Variants in NDC80 observed in about 807,000 individuals in gnomAD.
The protein encoded by NDC80 is kinetochore protein NDC80 homolog.
A neutral mutation model predicts 89.3 loss-of-function variants in NDC80; 69 were observed. The ratio of observed to expected loss-of-function variants is 0.77; its 90% CI spans 0.64 to 0.94. The LOEUF (loss-of-function observed/expected upper bound fraction) is 0.94. Ranked by LOEUF, NDC80 falls within the 40% of genes least tolerant of loss-of-function variation. The pLI is 0.00. For synonymous variants in NDC80, 243 were observed against 255.6 expected (o/e 0.95, Z 0.47); for missense variants, 593 against 739.6 (o/e 0.80, Z 2.30).
Position 2,577,687 on chromosome 18 carries a change from T to A in NDC80, c.180-59T>A, listed in dbSNP as rs576711884. ...AAAATGCAAAACTGCCTTGAAATAATTTAGACTTGATCACAGAAGCAAATA... is the reference window on the plus strand; with the variant it reads ...AAAATGCAAAACTGCCTTGAAATAAATTAGACTTGATCACAGAAGCAAATA... On this transcript the variant is annotated intron_variant, in intron 3 of 16. Transcript: ENST00000261597. The A allele has an allele frequency of 1.9e-6, 3 of 1,588,924 alleles. No individual in the cohort carries two copies. In the Admixed American group the frequency reaches 5.4e-5, roughly 29 times the overall value.
chr18:2,610,918 A>G (rs990901390), intron 16 of NDC80, 57 bp downstream of exon 16: 1 of 1,067,546 alleles, frequency 9.4e-7, no homozygotes, highest in Admixed American at 2.8e-5. Context: ...ACTTTGATAC[A>G]TTTCTGCTTT....
Position 2,574,034 on chromosome 18 carries a change from A to G in NDC80, c.101+948A>G, listed in dbSNP as rs551605854. ...AGAGAAGCAAAAGACTTAAATCTGC[A>G]TAACAAGCCTTACCTTTGACCATTT... On this transcript the variant is annotated intron_variant, in intron 2 of 16. Coordinates refer to ENST00000261597, the MANE Select transcript of NDC80 (RefSeq NM_006101.3). 5.3e-5 allele frequency among the ~76,000 whole-genome samples: 8 copies of G among 152,310 alleles called. No homozygotes were observed. The East Asian group carries it at 1.3e-3, about 26-fold the overall frequency.
intron 6 of NDC80, among the ~76,000 whole-genome samples, chr18:2,579,820 G>A (rs978118587): frequency 2.0e-5 from 3 of 152,102 alleles, no homozygotes; most frequent in African/African-American, 7.2e-5. Flanking sequence ...TTTTTCTCTA[G>A]AAAACTTGTA....
intron 14 of NDC80, among the ~76,000 whole-genome samples, chr18:2,607,447 TA>T (rs1346657263): frequency 6.6e-6 from 1 of 152,154 alleles, no homozygotes; most frequent in Non-Finnish European, 1.5e-5. Flanking sequence ...TAAAATATTA[TA>T]AAATTTCCTG....
chr18:2,579,489 A>T (rs952230750), intron 6 of NDC80, among the ~76,000 whole-genome samples: 1 of 152,094 alleles, frequency 6.6e-6, no homozygotes, highest in African/African-American at 2.4e-5. Context: ...GTGCGGTGGC[A>T]TGATCTCAGC....
chr18:2,599,124 C>A lies in NDC80; in HGVS notation c.1327C>A (p.Pro443Thr), dbSNP rs2072671451. The A allele has an allele frequency of 6.2e-7, 1 of 1,613,338 alleles. No homozygotes were observed. The highest frequency in any genetic ancestry group is 8.5e-7 in the Non-Finnish European group (1 of 1,179,622). The stretch of plus-strand genomic sequence containing the variant: ...TTATGACTTTGAAATTAAGTTTAAT[C>A]CCGAGGCTGGTGCCAACTGCCTTGT... Reference protein sequence around the residue: ...KGYDFEIKFNPEAGANCLVKY... With the variant: ...KGYDFEIKFNTEAGANCLVKY... Residue 443 changes from proline to threonine, a missense_variant, in exon 12 of 17, where the codon CCC becomes ACC. Transcript: ENST00000261597.
intron 16 of NDC80, among the ~76,000 whole-genome samples, chr18:2,615,901 A>G (rs766278427): frequency 4.6e-5 from 7 of 152,244 alleles, no homozygotes; most frequent in Admixed American, 4.6e-4. Flanking sequence ...TGTGTGTAAT[A>G]AAGGTATAAT....
intron 14 of NDC80, 126 bp downstream of exon 14, chr18:2,606,633 G>T: frequency 2.0e-6 from 1 of 499,712 alleles, no homozygotes; most frequent in South Asian, 5.3e-5. Flanking sequence ...TGTATCTTGG[G>T]TTAGTTTTCT....
intron 3 of NDC80, among the ~76,000 whole-genome samples, chr18:2,575,893 C>A (rs1385722975): frequency 6.6e-6 from 1 of 152,158 alleles, no homozygotes; most frequent in African/African-American, 2.4e-5. Context: ...CCACTGAACT[C>A]CACCTTGGGT....
chr18:2,599,226 A>G, intron 12 of NDC80, 55 bp downstream of exon 12: 1 of 1,467,834 alleles, frequency 6.8e-7, no homozygotes, highest in Non-Finnish European at 9.2e-7. Context: ...TGGTATCTCT[A>G]AGAGTTTGAA....
At chr18:2,573,582 A>G (rs894388619) in intron 2 of NDC80, among the ~76,000 whole-genome samples, 1 of 152,226 alleles carries the variant, frequency 6.6e-6, no homozygotes, top group African/African-American at 2.4e-5. Context: ...GTCATAAACT[A>G]TAGTTTTTCA....
intron 11 of NDC80, among the ~76,000 whole-genome samples, chr18:2,598,538 G>A (rs1176883539): frequency 6.6e-6 from 1 of 152,138 alleles, no homozygotes; most frequent in East Asian, 1.9e-4. Context: ...AGGAAGGAGA[G>A]CAGGAAATGT....
Position 2,610,481 on chromosome 18 carries a change from A to G in NDC80, c.1689-278A>G, listed in dbSNP as rs140330486. On this transcript the variant is annotated intron_variant, in intron 15 of 16. Coordinates refer to ENST00000261597, the MANE Select transcript of NDC80 (RefSeq NM_006101.3). The stretch of plus-strand genomic sequence containing the variant: ...TGCCCAGAAAGCATTTGAGTTTACA[A>G]TCCCTTTGGAGACTCAGTTACAACC... Among the ~76,000 whole-genome samples the G allele has an allele frequency of 4.5e-3, 682 of 152,326 alleles. 6 individuals are homozygous for G. Among genetic ancestry groups the G allele is most frequent in the Middle Eastern group, 0.02 (6 of 294 alleles).
chr18:2,613,090 C>T (rs964445597), intron 16 of NDC80, among the ~76,000 whole-genome samples: 3 of 152,212 alleles, frequency 2.0e-5, no homozygotes, highest in African/African-American at 7.2e-5. Flanking sequence ...ATAAAGGTCT[C>T]ACATGTGGCT....
At chr18:2,600,901 G>A (rs1365671416) in intron 12 of NDC80, among the ~76,000 whole-genome samples, 1 of 152,100 alleles carries the variant, frequency 6.6e-6, no homozygotes. Context: ...CCATTTTAAA[G>A]TGTGAATTTC....
At chr18:2,582,989 T>C (rs2072585814) in intron 6 of NDC80, 1 of 152,220 alleles carries the variant, frequency 6.6e-6, no homozygotes, top group Non-Finnish European at 1.5e-5. Flanking sequence ...CAGGAGCGTC[T>C]TGTTAGCCTT....
rs776522965 is a variant in NDC80 at position 2,577,885 on chromosome 18, A to C, written c.303+16A>C. 3 of 1,612,710 alleles carry C rather than the reference A, an allele frequency of 1.9e-6. No individual in the cohort carries two copies. The highest frequency in any genetic ancestry group is 2.2e-5 in the South Asian group (2 of 90,868). ...ACTCTGTGAGGTACTTTAGGATTTT[A>C]ATCTAAACTGTGATTGTTGTCATAG... On this transcript the variant is annotated intron_variant, in intron 4 of 16. Transcript: ENST00000261597.
chr18:2,611,322 T>A (rs2072743222), intron 16 of NDC80, among the ~76,000 whole-genome samples: 1 of 152,220 alleles, frequency 6.6e-6, no homozygotes, highest in Non-Finnish European at 1.5e-5. Flanking sequence ...GTGCTGGGAT[T>A]ACAGGCGTGA....
At chr18:2,616,317 G>A in intron 16 of NDC80, 120 bp from the exon 17 acceptor site, 1 of 619,186 alleles carries the variant, frequency 1.6e-6, no homozygotes. Context: ...GAGCCACCAT[G>A]CCCGGCCCTT....
Sources: allele counts gnomAD v4.1 joint callset (sites outside exome capture counted in the v4.1 genomes callset), GRCh38; gene constraint gnomAD v4.1.1; transcripts MANE v1.5; gene names NCBI Gene and HGNC (gene_info 2026-07-23, HGNC 2026-07-21).